CTNNA2: variants seen among roughly 807,000 people sequenced by gnomAD.
CTNNA2 encodes the protein catenin alpha-2.
Under a neutral mutation model 101.0 loss-of-function variants are expected in CTNNA2, and 42 were observed. The observed-to-expected ratio is 0.42, with a 90% confidence interval of 0.32 to 0.54. The LOEUF (loss-of-function observed/expected upper bound fraction) is 0.54, where lower values mean the gene tolerates loss of function less well. Ranked by LOEUF, CTNNA2 falls within the 20% of genes least tolerant of loss-of-function variation. The probability of loss-of-function intolerance (pLI) is 0.14; values close to 1 mark genes in which losing one functional copy is unlikely to be tolerated. For synonymous variants in CTNNA2, 450 were observed against 456.4 expected (o/e 0.99, Z 0.18); for missense variants, 871 against 1,223.1 (o/e 0.71, Z 4.29).
chr2:80,343,966 T>C (rs572099781), intron 7 of CTNNA2, among the ~76,000 whole-genome samples: 3 of 152,288 alleles, frequency 2.0e-5, no homozygotes, highest in South Asian at 4.1e-4. Context: ...GTAACAAAAC[T>C]TCTTAAGGGA....
intron 1 of CTNNA2, among the ~76,000 whole-genome samples, chr2:79,584,770 T>A (rs1676373422): frequency 6.6e-6 from 1 of 152,184 alleles, no homozygotes; most frequent in Non-Finnish European, 1.5e-5. Context: ...TCCATCTGCC[T>A]CAGCCTCCCA....
At chr2:80,450,297 C>T (rs140776968) in intron 9 of CTNNA2, among the ~76,000 whole-genome samples, 48 of 152,040 alleles carry the variant, frequency 3.2e-4, no homozygotes, top group Admixed American at 3.1e-3. Context: ...CTTGTTGTAA[C>T]CATAATAGCT....
chr2:80,042,910 TTGGAGCCTG>T (rs1290217572), intron 7 of CTNNA2, among the ~76,000 whole-genome samples: 6 of 152,154 alleles, frequency 3.9e-5, no homozygotes, highest in Non-Finnish European at 8.8e-5. Context: ...GGTTGAGACT[TTGGAGCCTG>T]TAGTTTCTTC....
At chr2:79,684,707 C>T (rs982490008) in intron 2 of CTNNA2, among the ~76,000 whole-genome samples, 10 of 152,160 alleles carry the variant, frequency 6.6e-5, no homozygotes, top group African/African-American at 1.2e-4. Flanking sequence ...GTTTTGGAGA[C>T]GGCATAGGGG....
intron 1 of CTNNA2, among the ~76,000 whole-genome samples, chr2:79,557,681 T>C (rs539246459): frequency 7.9e-5 from 12 of 152,060 alleles, no homozygotes; most frequent in African/African-American, 2.9e-4. Context: ...ACTCTGCTTA[T>C]GGTGGCATAA....
intron 4 of CTNNA2, among the ~76,000 whole-genome samples, chr2:79,408,186 C>T (rs1678360977): frequency 6.6e-6 from 1 of 152,000 alleles, no homozygotes; most frequent in African/African-American, 2.4e-5. Flanking sequence ...GATTCTAAAA[C>T]ATCCACTTCT....
intron 7 of CTNNA2, among the ~76,000 whole-genome samples, chr2:80,043,941 ATGT>A (rs1696350927): frequency 6.6e-6 from 1 of 152,226 alleles, no homozygotes. Flanking sequence ...ATGCACACTC[ATGT>A]TGTGCATGTA....
At chr2:80,578,908 T>TTA (rs1380203792) in intron 13 of CTNNA2, 1 of 152,166 alleles carries the variant, frequency 6.6e-6, no homozygotes, top group East Asian at 1.9e-4. Flanking sequence ...TTGTTGTTAT[T>TTA]AGGTGTTATA....
chr2:79,334,677 A>T (rs952513914), intron 3 of CTNNA2, among the ~76,000 whole-genome samples: 1 of 152,128 alleles, frequency 6.6e-6, no homozygotes, highest in Non-Finnish European at 1.5e-5. Flanking sequence ...CATTGTGGTT[A>T]TATGTTTCAT....
At chr2:80,488,730 T>C in intron 9 of CTNNA2, among the ~76,000 whole-genome samples, 1 of 152,294 alleles carries the variant, frequency 6.6e-6, no homozygotes. Context: ...ACTAAATAAA[T>C]CCCACTTTAT....
intron 18 of CTNNA2, among the ~76,000 whole-genome samples, chr2:80,620,673 C>CTA (rs1192965282): frequency 6.6e-6 from 1 of 151,876 alleles, no homozygotes; most frequent in Admixed American, 6.6e-5. Context: ...AGTCTCTGAC[C>CTA]TACCTTCCAT....
At chr2:79,245,520 A>G (rs1674688126) in intron 2 of CTNNA2, among the ~76,000 whole-genome samples, 1 of 152,120 alleles carries the variant, frequency 6.6e-6, no homozygotes, top group Admixed American at 6.5e-5. Context: ...TGAGCTCTGC[A>G]CCTTCCCAAG....
At position 79,254,738 on chromosome 2, in the gene CTNNA2, C is replaced by G. The variant is rs186202401; in HGVS notation, c.-406+56662C>G. On this transcript the variant is annotated intron_variant, in intron 2 of 21. Coordinates refer to the CTNNA2 transcript ENST00000466387. ...AACTTATAGCCCCAGAAAAATAATG[C>G]TGTAATTTACTTACTAAAGTTTTAA... Among the ~76,000 whole-genome samples, 711 of 151,846 alleles carry G rather than the reference C, an allele frequency of 4.7e-3. 7 individuals are homozygous for G. The highest frequency in any genetic ancestry group is 0.016 in the African/African-American group (680 of 41,406).
At chr2:79,445,495 C>G (rs1415703920) in intron 4 of CTNNA2, among the ~76,000 whole-genome samples, 1 of 152,106 alleles carries the variant, frequency 6.6e-6, no homozygotes, top group Non-Finnish European at 1.5e-5. Flanking sequence ...AGCTTAAAGC[C>G]TTTTGAAAGG....
intron 7 of CTNNA2, among the ~76,000 whole-genome samples, chr2:79,933,881 A>C (rs2104431538): frequency 6.6e-6 from 1 of 152,318 alleles, no homozygotes; most frequent in South Asian, 2.1e-4. Context: ...TTTTTTGAAT[A>C]GTTGTGACAG....
intron 2 of CTNNA2, among the ~76,000 whole-genome samples, chr2:79,739,013 C>CT (rs1430700100): frequency 6.6e-6 from 1 of 151,386 alleles, no homozygotes; most frequent in Non-Finnish European, 1.5e-5. Flanking sequence ...TCAGCTCCAT[C>CT]TTTACATATG....
chr2:80,479,711 TCTGTAGATA>T (rs1686002750), intron 9 of CTNNA2, among the ~76,000 whole-genome samples: 1 of 152,148 alleles, frequency 6.6e-6, no homozygotes, highest in African/African-American at 2.4e-5. Context: ...TAAATTCTCA[TCTGTAGATA>T]ACTAAAATGT....
chr2:79,502,830 A>G (rs1333728895), intron 4 of CTNNA2, among the ~76,000 whole-genome samples: 1 of 152,196 alleles, frequency 6.6e-6, no homozygotes, highest in East Asian at 1.9e-4. Context: ...CTACCACAGA[A>G]AATGTGTACA....
chr2:80,222,574 T>G (rs1708629721), intron 7 of CTNNA2, among the ~76,000 whole-genome samples: 1 of 152,176 alleles, frequency 6.6e-6, no homozygotes, highest in Non-Finnish European at 1.5e-5. Context: ...TTTGGTCTTC[T>G]AAAGCCCAGG....
Sources: allele counts gnomAD v4.1 joint callset (sites outside exome capture counted in the v4.1 genomes callset), GRCh38; gene constraint gnomAD v4.1.1; transcripts MANE v1.5; gene names NCBI Gene and HGNC (gene_info 2026-07-23, HGNC 2026-07-21).